Variants in EFR3B observed in about 807,000 individuals in gnomAD.
EFR3B encodes EFR3 homolog B.
EFR3B carries 64 observed loss-of-function variants against 104.7 expected under a neutral mutation model. The ratio of observed to expected loss-of-function variants is 0.61; its 90% confidence interval spans 0.50 to 0.75. The LOEUF (loss-of-function observed/expected upper bound fraction) is 0.75. Among genes scored for constraint, EFR3B ranks in the 30% least tolerant of loss-of-function variants. The probability of loss-of-function intolerance (pLI) is 0.00; values close to 1 mark genes in which losing one functional copy is unlikely to be tolerated. For missense variants in EFR3B, 750 were observed against 1,078.5 expected, an observed-to-expected ratio of 0.70 and a Z score of 4.27; for synonymous variants, 385 against 417.9, an observed-to-expected ratio of 0.92 and a Z score of 0.96.
At chr2:25,080,409 C>T in intron 1 of EFR3B, 2 of 522,654 alleles carry the variant, frequency 3.8e-6, no homozygotes. Flanking sequence ...ATTCTGCTGC[C>T]TCAGCCTCCT....
At chr2:25,067,107 C>T (rs1668355403) in intron 1 of EFR3B, among the ~76,000 whole-genome samples, 1 of 152,202 alleles carries the variant, frequency 6.6e-6, no homozygotes, top group Non-Finnish European at 1.5e-5. Context: ...CTAGTGAACA[C>T]ATAAAATGTG....
intron 1 of EFR3B, among the ~76,000 whole-genome samples, chr2:25,063,289 C>T (rs866487699): frequency 2.4e-4 from 36 of 152,274 alleles, no homozygotes; most frequent in Middle Eastern, 3.4e-3. Flanking sequence ...GACCTCACAG[C>T]CCACAGTAAT....
chr2:25,073,501 G>C (rs1008528117), intron 1 of EFR3B, among the ~76,000 whole-genome samples: 3 of 151,988 alleles, frequency 2.0e-5, no homozygotes, highest in Non-Finnish European at 2.9e-5. Flanking sequence ...GGGACTACAG[G>C]TGTGTGCCAC....
At chr2:25,124,091 T>C (rs1041872546) in intron 5 of EFR3B, among the ~76,000 whole-genome samples, 1 of 152,170 alleles carries the variant, frequency 6.6e-6, no homozygotes, top group Non-Finnish European at 1.5e-5. Context: ...GCACCCCTTT[T>C]TCCCTGAGAT....
At chr2:25,150,300 CAAAAAAAAA>C (rs533611175) in intron 20 of EFR3B, among the ~76,000 whole-genome samples, 1 of 62,830 alleles carries the variant, frequency 1.6e-5, no homozygotes, top group African/African-American at 4.8e-5. Flanking sequence ...ACTCCCATCT[CAAAAAAAAA>C]AAAAAAAAAA....
At chr2:25,145,299 T>C in intron 19 of EFR3B, 3 of 549,694 alleles carry the variant, frequency 5.5e-6, no homozygotes, top group Non-Finnish European at 9.7e-6. Context: ...TGGCTGGGGA[T>C]GGTGGCTCAC....
At chr2:25,153,385 C>T (rs1253323537) in intron 21 of EFR3B, among the ~76,000 whole-genome samples, 8 of 151,968 alleles carry the variant, frequency 5.3e-5, no homozygotes, top group Admixed American at 2.6e-4. Flanking sequence ...AGAGCCGGCA[C>T]TAGTGCAGTC....
intron 4 of EFR3B, among the ~76,000 whole-genome samples, chr2:25,119,679 A>G (rs1189914758): frequency 6.6e-6 from 1 of 152,172 alleles, no homozygotes; most frequent in African/African-American, 2.4e-5. Context: ...AATCCATTTT[A>G]GATGTAGCTT....
intron 3 of EFR3B, among the ~76,000 whole-genome samples, chr2:25,095,846 A>G (rs141597150): frequency 2.4e-4 from 37 of 152,270 alleles, no homozygotes; most frequent in African/African-American, 8.4e-4. Context: ...TACTTCCACA[A>G]TAAAAAACAT....
In EFR3B at chr2:25,114,885, C is replaced by T. The variant is rs1669817066; in HGVS notation, c.364-6788C>T. ...TGCCCCAGAGTAGGGGGAGCGGGCA[C>T]TTAAGGATGCAGGTACCTGGCCGGG... is the stretch of plus-strand genomic sequence containing the variant. On this transcript the variant is annotated intron_variant, in intron 4 of 22. Transcript: ENST00000403714. The surrounding 1 kb of genome is among the most constrained non-coding windows in gnomAD (Gnocchi z 4.0). Among the ~76,000 whole-genome samples the T allele has an allele frequency of 6.6e-6, 1 of 152,280 alleles. No individual in the cohort carries two copies. Among genetic ancestry groups the T allele is most frequent in the South Asian group, 2.1e-4 (1 of 4,826 alleles).
intron 3 of EFR3B, among the ~76,000 whole-genome samples, chr2:25,097,666 G>A (rs75818579): frequency 3.3e-5 from 5 of 152,142 alleles, no homozygotes; most frequent in East Asian, 3.8e-4. Context: ...TCAAGGCATC[G>A]TTCATGGGCA....
intron 4 of EFR3B, among the ~76,000 whole-genome samples, chr2:25,115,582 C>T (rs557057045): frequency 5.3e-5 from 8 of 152,166 alleles, no homozygotes; most frequent in Non-Finnish European, 7.4e-5. Flanking sequence ...AACCTCTGCA[C>T]GTTACCTTAT....
chr2:25,061,564 G>A (rs1050351953), intron 1 of EFR3B, among the ~76,000 whole-genome samples: 3 of 151,954 alleles, frequency 2.0e-5, no homozygotes, highest in African/African-American at 7.3e-5. Context: ...CGTGATCTCG[G>A]CTCACTGCAA....
rs1667591131 is a variant in EFR3B at position 25,042,192 on chromosome 2, G to C, written c.-121G>C. ...CCCCGCGTCTGCTCCCTCCCCGCCC[G>C]GGCCCCTGTCGGCCGCCGCCAGTCC... On this transcript the variant is annotated 5_prime_UTR_variant, in exon 1 of 23. Coordinates refer to ENST00000403714, the MANE Select transcript of EFR3B (RefSeq NM_014971.2). The surrounding 1 kb of genome is among the most constrained non-coding windows in gnomAD (Gnocchi z 5.4). The C allele has an allele frequency of 4.8e-6, 5 of 1,040,214 alleles. No individual in the cohort carries two copies. Among genetic ancestry groups the C allele is most frequent in the South Asian group, 4.3e-5 (1 of 23,040 alleles). 64.4% of individuals were successfully genotyped at this position (1,040,214 alleles called of 1,614,324 possible).
intron 1 of EFR3B, among the ~76,000 whole-genome samples, chr2:25,090,612 A>ACAAACCACATT (rs1435969752): frequency 2.0e-5 from 3 of 152,194 alleles, no homozygotes; most frequent in African/African-American, 7.2e-5. Flanking sequence ...CACAAACCGG[A>ACAAACCACATT]TGCCCCTCAA....
chr2:25,100,825 T>C (rs1346486390), intron 3 of EFR3B, among the ~76,000 whole-genome samples: 2 of 152,206 alleles, frequency 1.3e-5, no homozygotes, highest in Non-Finnish European at 2.9e-5. Flanking sequence ...GGAGGTACTT[T>C]TCTATTCCAC....
At chr2:25,103,027 T>G (rs1669466156) in intron 3 of EFR3B, among the ~76,000 whole-genome samples, 1 of 152,224 alleles carries the variant, frequency 6.6e-6, no homozygotes, top group Admixed American at 6.5e-5. Flanking sequence ...TCCTCAGGCC[T>G]GTCTCAGATT....
Position 25,042,251 on chromosome 2 carries a change from C to A in EFR3B, c.-62C>A, listed in dbSNP as rs1045449242. 2 of 1,302,096 alleles carry A rather than the reference C, an allele frequency of 1.5e-6. No homozygotes were observed. The highest frequency in any genetic ancestry group is 1.9e-6 in the Non-Finnish European group (2 of 1,025,734). 80.7% of individuals were successfully genotyped at this position (1,302,096 alleles called of 1,614,324 possible). On this transcript the variant is annotated 5_prime_UTR_variant, in exon 1 of 23. Coordinates refer to ENST00000403714, the MANE Select transcript of EFR3B (RefSeq NM_014971.2). The surrounding 1 kb of genome is among the most constrained non-coding windows in gnomAD (Gnocchi z 5.4). ...ACTGTGAATGAAAGGCGGGCGCCGC[C>A]GAGGGCTGGCTGGGAACGCCGCAGC...
intron 4 of EFR3B, among the ~76,000 whole-genome samples, chr2:25,106,900 T>G (rs1242682839): frequency 1.3e-5 from 2 of 152,162 alleles, no homozygotes; most frequent in Non-Finnish European, 2.9e-5. Context: ...ATTGTTTGTA[T>G]GGAAGTTTGC....
Sources: gnomAD v4.1 joint callset for allele counts (sites outside exome capture counted in the v4.1 genomes callset) on GRCh38, gnomAD v4.1.1 for gene constraint, Gnocchi (gnomAD v3.1) non-coding constraint, MANE v1.5 for transcripts, NCBI Gene and HGNC (gene_info 2026-07-23, HGNC 2026-07-21) for gene names.